Variants in TRPC7 observed in about 807,000 individuals in gnomAD.
TRPC7 encodes the protein short transient receptor potential channel 7.
A neutral mutation model predicts 90.1 loss-of-function variants in TRPC7; 42 were observed. That is an observed-to-expected ratio of 0.47 (90% CI 0.36 to 0.60). The LOEUF (loss-of-function observed/expected upper bound fraction) is 0.60, where lower values mean the gene tolerates loss of function less well. TRPC7 is among the 20% of genes least tolerant of loss of function. The pLI is 0.00. For synonymous variants in TRPC7, 451 were observed against 436.3 expected, an observed-to-expected ratio of 1.03 and a Z score of -0.42; for missense variants, 955 against 1,112.3, an observed-to-expected ratio of 0.86 and a Z score of 2.01.
At chr5:136,291,482 G>T (rs1323693589) in intron 3 of TRPC7, among the ~76,000 whole-genome samples, 1 of 152,136 alleles carries the variant, frequency 6.6e-6, no homozygotes, top group East Asian at 1.9e-4. Flanking sequence ...AAAAGGCAGG[G>T]ATTGCAATCC....
intron 5 of TRPC7, among the ~76,000 whole-genome samples, chr5:136,257,761 G>A (rs1403399534): frequency 6.6e-6 from 1 of 152,122 alleles, no homozygotes; most frequent in Non-Finnish European, 1.5e-5. Flanking sequence ...ATCTGTGACT[G>A]TGCAACCGGT....
chr5:136,341,458 T>A (rs1759843421), intron 2 of TRPC7, among the ~76,000 whole-genome samples: 1 of 108,362 alleles, frequency 9.2e-6, no homozygotes, highest in South Asian at 2.6e-4. Context: ...TACATACACA[T>A]ACATATACAT....
At chr5:136,326,973 G>C (rs1244202329) in intron 2 of TRPC7, among the ~76,000 whole-genome samples, 1 of 152,200 alleles carries the variant, frequency 6.6e-6, no homozygotes, top group Non-Finnish European at 1.5e-5. Context: ...ATTCAAGGGA[G>C]ATGGAAAAAC....
intron 2 of TRPC7, among the ~76,000 whole-genome samples, chr5:136,319,694 G>A (rs999433165): frequency 1.3e-5 from 2 of 150,278 alleles, no homozygotes; most frequent in East Asian, 3.9e-4. Flanking sequence ...TTCAATAGTT[G>A]GTTCCCAGTC....
chr5:136,286,780 A>G (rs1757732955), intron 3 of TRPC7, among the ~76,000 whole-genome samples: 1 of 152,094 alleles, frequency 6.6e-6, no homozygotes, highest in Non-Finnish European at 1.5e-5. Flanking sequence ...CTCCTTCTCC[A>G]TGGGACTGTG....
chr5:136,284,070 G>A (rs1302323073), intron 3 of TRPC7, among the ~76,000 whole-genome samples: 3 of 152,178 alleles, frequency 2.0e-5, no homozygotes, highest in Non-Finnish European at 4.4e-5. Context: ...TTCAATTGCT[G>A]TCTGCACTTA....
At chr5:136,275,064 T>C (rs571268521) in intron 3 of TRPC7, among the ~76,000 whole-genome samples, 1 of 152,222 alleles carries the variant, frequency 6.6e-6, no homozygotes, top group African/African-American at 2.4e-5. Flanking sequence ...ACTGGCTGAA[T>C]TCACACTTTG....
chr5:136,315,530 A>C, intron 3 of TRPC7, 67 bp downstream of exon 3: 4 of 1,558,594 alleles, frequency 2.6e-6, no homozygotes, highest in Admixed American at 1.8e-5. Context: ...ACATGAGCAA[A>C]AAGCAAGGCC....
chr5:136,349,040 A>AT (rs1246213086), intron 2 of TRPC7, among the ~76,000 whole-genome samples: 3 of 152,012 alleles, frequency 2.0e-5, no homozygotes, highest in Non-Finnish European at 4.4e-5. Flanking sequence ...ATTTTTCTCA[A>AT]TTTTTTTATG....
At chr5:136,245,094 T>C (rs920350470) in intron 7 of TRPC7, among the ~76,000 whole-genome samples, 1 of 152,234 alleles carries the variant, frequency 6.6e-6, no homozygotes. Context: ...ATTCTCATTT[T>C]GGAGCTGGGG....
At chr5:136,270,377 T>G (rs1290313138) in intron 4 of TRPC7, among the ~76,000 whole-genome samples, 2 of 152,216 alleles carry the variant, frequency 1.3e-5, no homozygotes, top group African/African-American at 2.4e-5. Context: ...ATGCATTATT[T>G]AATACACACA....
intron 2 of TRPC7, among the ~76,000 whole-genome samples, chr5:136,318,864 A>G (rs1398073477): frequency 6.6e-6 from 1 of 151,090 alleles, no homozygotes; most frequent in Admixed American, 6.6e-5. Flanking sequence ...TACCCACCTT[A>G]TGTCACTGTC....
intron 1 of TRPC7, among the ~76,000 whole-genome samples, chr5:136,358,505 C>T (rs1236120714): frequency 1.3e-5 from 2 of 152,190 alleles, no homozygotes; most frequent in Non-Finnish European, 2.9e-5. Context: ...GAAAGACAGA[C>T]TTTGAAGTTA....
intron 5 of TRPC7, 105 bp downstream of exon 5, chr5:136,266,115 A>G: frequency 3.9e-6 from 4 of 1,028,844 alleles, no homozygotes; most frequent in South Asian, 2.8e-5. Flanking sequence ...CATTTTGTCT[A>G]TCAGGAGTAC....
At chr5:136,256,373 G>A (rs764142061) in intron 5 of TRPC7, among the ~76,000 whole-genome samples, 1 of 152,114 alleles carries the variant, frequency 6.6e-6, no homozygotes, top group Non-Finnish European at 1.5e-5. Context: ...CCTTGCATAT[G>A]TCTCACAGAT....
At chr5:136,266,170 G>A (rs767405802) in intron 5 of TRPC7, 50 bp downstream of exon 5, 8 of 1,494,872 alleles carry the variant, frequency 5.4e-6, no homozygotes, top group Middle Eastern at 1.7e-4. Flanking sequence ...GTTTAATAAT[G>A]TCCTACTATA....
intron 4 of TRPC7, among the ~76,000 whole-genome samples, chr5:136,271,148 G>C (rs182297388): frequency 6.6e-6 from 1 of 152,234 alleles, no homozygotes; most frequent in African/African-American, 2.4e-5. Context: ...TGGTGAAGAG[G>C]GGGTACCAAC....
rs1760403006 is a variant in TRPC7, at chr5:136,356,947, G to A, written c.441C>T (p.Arg147=). Residue 147 remains arginine (R), a synonymous_variant, in exon 2 of 12, where the codon CGC becomes CGT. Transcript: ENST00000513104. ...CGTCGTAGGCATAGAAGTCGTCGTC[G>A]CGCAGCTCCTGTTCCAGCGGGCTGA... ...LTLSPLEQEL[R]DDDFYAYDED... is the part of the protein sequence containing the mutation. 1.2e-6 allele frequency: 2 copies of A among 1,612,828 alleles called. No individual in the cohort carries two copies. Among genetic ancestry groups the A allele is most frequent in the Admixed American group, 1.7e-5 (1 of 59,998 alleles).
In TRPC7 at chr5:136,226,021, A is replaced by G. The variant is rs1374088439; in HGVS notation, c.2262+13T>C. The G allele has an allele frequency of 6.4e-7, 1 of 1,573,538 alleles. No homozygotes were observed. Among genetic ancestry groups the G allele is most frequent in the South Asian group, 1.2e-5 (1 of 85,944 alleles). On this transcript the variant is annotated intron_variant, in intron 9 of 11. Transcript: ENST00000513104. Reference sequence around the variant, plus strand: ...GCTGCCTTCTCCAGCCTCATAAACCACATGCTACCTACCTTGAATTTGGAA... The same window carrying G: ...GCTGCCTTCTCCAGCCTCATAAACCGCATGCTACCTACCTTGAATTTGGAA...
Sources: gnomAD v4.1 joint callset for allele counts (sites outside exome capture counted in the v4.1 genomes callset) on GRCh38, gnomAD v4.1.1 for gene constraint, MANE v1.5 for transcripts, NCBI Gene and HGNC (gene_info 2026-07-23, HGNC 2026-07-21) for gene names.